ASTN2: variants seen among roughly 807,000 people sequenced by gnomAD.
ASTN2 encodes the protein astrotactin-2.
A neutral mutation model predicts 139.8 loss-of-function variants in ASTN2; 54 were observed. The ratio of observed to expected loss-of-function variants is 0.39; its 90% CI spans 0.31 to 0.48. ASTN2 has a LOEUF of 0.48. Ranked by LOEUF, ASTN2 falls within the 20% of genes least tolerant of loss-of-function variation. ASTN2 has a pLI of 0.95. For synonymous variants in ASTN2, 756 were observed against 719.5 expected (o/e 1.05, Z -0.81); for missense variants, 1,565 against 1,725.1 (o/e 0.91, Z 1.64).
At chr9:117,238,923 C>T (rs1355067238) in intron 2 of ASTN2, among the ~76,000 whole-genome samples, 2 of 152,224 alleles carry the variant, frequency 1.3e-5, no homozygotes, top group African/African-American at 4.8e-5. Context: ...GCTCTGTTTA[C>T]ATGCAGATAT....
chr9:117,030,889 T>C (rs1290000280), intron 6 of ASTN2, among the ~76,000 whole-genome samples: 1 of 152,194 alleles, frequency 6.6e-6, no homozygotes, highest in Non-Finnish European at 1.5e-5. Context: ...ATATTACCAA[T>C]TTCATTACAG....
At chr9:116,674,556 T>C (rs548426433) in intron 16 of ASTN2, among the ~76,000 whole-genome samples, 13 of 152,330 alleles carry the variant, frequency 8.5e-5, no homozygotes, top group African/African-American at 3.1e-4. Flanking sequence ...CTTCCCCACA[T>C]TCCCTTGTTA....
chr9:117,315,560 C>T (rs1346314931), intron 1 of ASTN2, among the ~76,000 whole-genome samples: 2 of 152,260 alleles, frequency 1.3e-5, no homozygotes, highest in African/African-American at 4.8e-5. Context: ...AACACCTTCT[C>T]AGCCAGGGCT....
intron 6 of ASTN2, among the ~76,000 whole-genome samples, chr9:117,033,615 A>G (rs966113152): frequency 6.6e-6 from 1 of 152,088 alleles, no homozygotes; most frequent in Non-Finnish European, 1.5e-5. Flanking sequence ...ATATCTGTCT[A>G]GTTTTGCTTC....
intron 10 of ASTN2, among the ~76,000 whole-genome samples, chr9:116,870,582 AATT>A (rs1417215588): frequency 2.0e-5 from 3 of 152,048 alleles, no homozygotes; most frequent in Non-Finnish European, 4.4e-5. Context: ...CTGACATACA[AATT>A]ATTATTATTT....
At chr9:116,663,774 C>T (rs16933804) in intron 16 of ASTN2, among the ~76,000 whole-genome samples, 2,812 of 152,250 alleles carry the variant, frequency 0.018, 86 homozygotes, top group African/African-American at 0.064. Flanking sequence ...ACTTGATTTG[C>T]ATACATTATG....
Position 117,414,657 on chromosome 9 carries a change from G to A in ASTN2, c.282C>T (p.Thr94=). ...CGGCGGCGGCGGCGGCTCCGGCCCC[G>A]GTCCCAGCCCCGGCCCCGGCGCGGG... The part of the protein sequence containing the change: ...SGARAGAGAG[T]GAGAAAAAAS... Residue 94 remains threonine (T), a synonymous_variant, in exon 1 of 23, where the codon ACC becomes ACT. Transcript: ENST00000313400. This position sits in a 1 kb window ranked among gnomAD's most constrained non-coding sequence, Gnocchi z 4.2. 7.5e-7 allele frequency: 1 copy of A among 1,332,048 alleles called. No homozygotes were observed. 82.5% of individuals were successfully genotyped at this position (1,332,048 alleles called of 1,614,324 possible).
intron 22 of ASTN2, among the ~76,000 whole-genome samples, chr9:116,428,652 T>C (rs1847388674): frequency 6.6e-6 from 1 of 152,158 alleles, no homozygotes; most frequent in Non-Finnish European, 1.5e-5. Context: ...AGCCAGCCTG[T>C]TGAAGCCTAG....
In ASTN2 at chr9:116,699,284, G is replaced by A. The variant is rs1226004239; in HGVS notation, c.2806+26487C>T. On this transcript the variant is annotated intron_variant, in intron 16 of 22. Coordinates refer to ENST00000313400, the MANE Select transcript of ASTN2 (RefSeq NM_001365068.1). The surrounding 1 kb of genome is among the most constrained non-coding windows in gnomAD (Gnocchi z 4.2). ...AATACAGCTGCCTATGTAGTGCTGT[G>A]CGGCCCAAATTTGTCACCTGTGATG... The A allele has an allele frequency of 6.2e-7, 1 of 1,614,220 alleles. No individual in the cohort carries two copies. The highest frequency in any genetic ancestry group is 1.1e-5 in the South Asian group (1 of 91,082).
At chr9:116,932,457 G>GATA (rs527750915) in intron 10 of ASTN2, among the ~76,000 whole-genome samples, 20 of 152,274 alleles carry the variant, frequency 1.3e-4, no homozygotes, top group African/African-American at 4.6e-4. Context: ...TGGCTAACAG[G>GATA]ATATATGTGG....
At chr9:117,344,907 G>A (rs945493931) in intron 1 of ASTN2, among the ~76,000 whole-genome samples, 1 of 152,078 alleles carries the variant, frequency 6.6e-6, no homozygotes, top group African/African-American at 2.4e-5. Flanking sequence ...ACATAAATTA[G>A]TTTTATTCAT....
At chr9:116,914,277 G>C (rs142418558) in intron 10 of ASTN2, among the ~76,000 whole-genome samples, 123 of 152,058 alleles carry the variant, frequency 8.1e-4, no homozygotes, top group African/African-American at 2.7e-3. Flanking sequence ...ACATGAGAAA[G>C]ACACTTCTCT....
At chr9:117,219,505 T>A (rs1419757105) in intron 2 of ASTN2, among the ~76,000 whole-genome samples, 1 of 152,194 alleles carries the variant, frequency 6.6e-6, no homozygotes, top group Non-Finnish European at 1.5e-5. Context: ...CCTGCTGGCC[T>A]CAGGGACGAT....
At chr9:116,604,239 T>A (rs773906092) in intron 19 of ASTN2, among the ~76,000 whole-genome samples, 11 of 152,006 alleles carry the variant, frequency 7.2e-5, no homozygotes, top group Non-Finnish European at 1.2e-4. Context: ...ATAAAGAACT[T>A]TGTGATATAG....
At chr9:117,342,591 A>G (rs1454133445) in intron 1 of ASTN2, among the ~76,000 whole-genome samples, 1 of 152,094 alleles carries the variant, frequency 6.6e-6, no homozygotes, top group Non-Finnish European at 1.5e-5. Context: ...ACATTTGGTC[A>G]TTTGTTTCCT....
chr9:117,045,765 A>C (rs1838716849), intron 5 of ASTN2, among the ~76,000 whole-genome samples: 1 of 151,970 alleles, frequency 6.6e-6, no homozygotes, highest in Non-Finnish European at 1.5e-5. Flanking sequence ...AAGCTGGTAC[A>C]CTCCCATTGA....
chr9:117,225,262 C>T (rs1005638922), intron 2 of ASTN2, among the ~76,000 whole-genome samples: 7 of 151,844 alleles, frequency 4.6e-5, no homozygotes, highest in African/African-American at 1.7e-4. Context: ...GAAGGTAATT[C>T]GCATGAGCCA....
rs567464928 is a variant in ASTN2 at position 117,146,714 on chromosome 9, C to G, written c.1016-5236G>C. ...CTGGGTTCAGTGTATACCGCTCGGGCAATGAGTGCACCAAAATCCCACAGA... is the reference window on the plus strand; with the variant it reads ...CTGGGTTCAGTGTATACCGCTCGGGGAATGAGTGCACCAAAATCCCACAGA... On this transcript the variant is annotated intron_variant, in intron 3 of 22. Coordinates refer to ENST00000313400, the MANE Select transcript of ASTN2 (RefSeq NM_001365068.1). Among the ~76,000 whole-genome samples, 7 of 152,018 alleles carry G rather than the reference C, an allele frequency of 4.6e-5. No individual in the cohort carries two copies. The South Asian group carries it at 1.5e-3, about 32-fold the overall frequency.
intron 11 of ASTN2, among the ~76,000 whole-genome samples, chr9:116,828,404 G>A (rs1831706012): frequency 1.3e-5 from 2 of 151,754 alleles, no homozygotes; most frequent in Non-Finnish European, 1.5e-5. Flanking sequence ...ATGTAATGAG[G>A]ATTCAACTAT....
Sources: gnomAD v4.1 joint callset for allele counts (sites outside exome capture counted in the v4.1 genomes callset) on GRCh38, gnomAD v4.1.1 for gene constraint, Gnocchi (gnomAD v3.1) non-coding constraint, MANE v1.5 for transcripts, NCBI Gene and HGNC (gene_info 2026-07-23, HGNC 2026-07-21) for gene names.